The following SLC35F3 variants were observed in gnomAD, a reference collection of about 807,000 sequenced individuals.
SLC35F3 encodes the protein solute carrier family 35 member F3, also known as putative thiamine transporter SLC35F3.
SLC35F3 carries 25 observed loss-of-function variants against 49.9 expected under a neutral mutation model. That is an observed-to-expected ratio of 0.50 (90% confidence interval 0.37 to 0.70). SLC35F3 has a LOEUF of 0.70. Among genes scored for constraint, SLC35F3 ranks in the 30% least tolerant of loss-of-function variants. SLC35F3 has a pLI of 0.00. For missense variants in SLC35F3, 525 were observed against 639.8 expected (o/e 0.82, Z 1.94); for synonymous variants, 275 against 265.4 (o/e 1.04, Z -0.35).
At chr1:234,296,663 C>A (rs114400816) in intron 3 of SLC35F3, among the ~76,000 whole-genome samples, 1 of 152,200 alleles carries the variant, frequency 6.6e-6, no homozygotes, top group South Asian at 2.1e-4. Flanking sequence ...TGTGGACCAG[C>A]GATGCTTTGG....
intron 2 of SLC35F3, among the ~76,000 whole-genome samples, chr1:233,999,925 A>G (rs912494550): frequency 4.6e-5 from 7 of 152,240 alleles, no homozygotes; most frequent in African/African-American, 1.2e-4. Flanking sequence ...ACATTTCAAC[A>G]TTTAGGATAT....
At chr1:234,313,280 A>G (rs935913010) in intron 4 of SLC35F3, among the ~76,000 whole-genome samples, 3 of 152,064 alleles carry the variant, frequency 2.0e-5, no homozygotes, top group Non-Finnish European at 4.4e-5. Context: ...TTAAAGCTCA[A>G]AGGTTTCTGT....
intron 3 of SLC35F3, among the ~76,000 whole-genome samples, chr1:234,273,468 G>A (rs986681800): frequency 6.6e-6 from 1 of 152,198 alleles, no homozygotes; most frequent in African/African-American, 2.4e-5. Flanking sequence ...CAAGAACTTA[G>A]GTTTGTGCTG....
chr1:233,971,397 A>G (rs780265423), intron 2 of SLC35F3, among the ~76,000 whole-genome samples: 1 of 152,224 alleles, frequency 6.6e-6, no homozygotes, highest in Non-Finnish European at 1.5e-5. Flanking sequence ...TTCAGGTCAA[A>G]TCCTATGAAA....
intron 2 of SLC35F3, among the ~76,000 whole-genome samples, chr1:234,217,931 G>C (rs1377055103): frequency 6.6e-6 from 1 of 152,154 alleles, no homozygotes; most frequent in African/African-American, 2.4e-5. Context: ...AGCTGAGGCT[G>C]GGGGGATATG....
intron 2 of SLC35F3, among the ~76,000 whole-genome samples, chr1:234,092,908 T>C (rs757617810): frequency 6.6e-5 from 10 of 152,132 alleles, no homozygotes; most frequent in Non-Finnish European, 1.3e-4. Flanking sequence ...AAAATAAAGA[T>C]GAATGTTGGT....
intron 3 of SLC35F3, chr1:234,272,550 A>G (rs1343748931): frequency 6.6e-6 from 1 of 152,276 alleles, no homozygotes; most frequent in Non-Finnish European, 1.5e-5. Context: ...CAGATGAGTC[A>G]TGAAGGAAGT....
At chr1:234,295,603 T>C (rs560735609) in intron 3 of SLC35F3, among the ~76,000 whole-genome samples, 1 of 152,354 alleles carries the variant, frequency 6.6e-6, no homozygotes, top group South Asian at 2.1e-4. Flanking sequence ...GTTAGAATCC[T>C]AGATCCCTGA....
intron 2 of SLC35F3, among the ~76,000 whole-genome samples, chr1:233,932,457 A>T (rs1294655476): frequency 6.6e-6 from 1 of 152,204 alleles, no homozygotes; most frequent in African/African-American, 2.4e-5. Flanking sequence ...ATCTGTGGTG[A>T]TAATGATCCG....
rs1667098194 is a variant in SLC35F3 at position 234,214,859 on chromosome 1, C to T, written c.284-16558C>T. The T allele has an allele frequency of 1.1e-5, 4 of 379,368 alleles. No individual in the cohort carries two copies. The highest frequency in any genetic ancestry group is 1.9e-5 in the Non-Finnish European group (4 of 211,790). 23.5% of individuals were successfully genotyped at this position (379,368 alleles called of 1,614,324 possible). ...CACCCAGCGCATCTGGCAGCAGCTG[C>T]ACCCTCACCTCCATCCCAGTTTGTC... On this transcript the variant is annotated intron_variant, in intron 2 of 7. Transcript: ENST00000366618. The surrounding 1 kb of genome is among the most constrained non-coding windows in gnomAD (Gnocchi z 8.0).
intron 2 of SLC35F3, among the ~76,000 whole-genome samples, chr1:234,161,886 G>T (rs778930470): frequency 9.2e-5 from 14 of 152,098 alleles, no homozygotes; most frequent in Non-Finnish European, 1.9e-4. Context: ...TGGATCTCCC[G>T]CTGAATGCAA....
chr1:234,118,221 C>T (rs936135577), intron 2 of SLC35F3, among the ~76,000 whole-genome samples: 2 of 151,966 alleles, frequency 1.3e-5, no homozygotes, highest in Non-Finnish European at 2.9e-5. Context: ...GCTAAGTAAC[C>T]GAATAGCATC....
intron 2 of SLC35F3, among the ~76,000 whole-genome samples, chr1:234,077,464 T>G (rs1664809434): frequency 6.6e-6 from 1 of 152,088 alleles, no homozygotes; most frequent in Non-Finnish European, 1.5e-5. Context: ...ATAAAACCAT[T>G]AGATCTCCTG....
intron 2 of SLC35F3, among the ~76,000 whole-genome samples, chr1:234,118,880 CTTTTCTTTT>C (rs1047590660): frequency 2.1e-5 from 3 of 143,926 alleles, no homozygotes; most frequent in African/African-American, 7.4e-5. Flanking sequence ...TTCTTTTTTT[CTTTTCTTTT>C]TTTTTTTTTA....
intron 2 of SLC35F3, among the ~76,000 whole-genome samples, chr1:234,153,347 G>C (rs935089941): frequency 2.0e-4 from 30 of 152,182 alleles, no homozygotes; most frequent in Non-Finnish European, 3.8e-4. Context: ...GGTGGCTCAT[G>C]CCTATAATTC....
intron 2 of SLC35F3, among the ~76,000 whole-genome samples, chr1:234,109,813 T>C (rs546206941): frequency 2.0e-5 from 3 of 152,148 alleles, no homozygotes; most frequent in Non-Finnish European, 4.4e-5. Flanking sequence ...CCACCTGGGC[T>C]CTGAAGTCAG....
chr1:234,246,217 C>T (rs2102959454), intron 3 of SLC35F3, among the ~76,000 whole-genome samples: 1 of 152,258 alleles, frequency 6.6e-6, no homozygotes, highest in South Asian at 2.1e-4. Context: ...AGGAGTGGCT[C>T]AGATGGAGAA....
chr1:233,932,456 G>T (rs1157504975), intron 2 of SLC35F3, among the ~76,000 whole-genome samples: 1 of 152,282 alleles, frequency 6.6e-6, no homozygotes, highest in Non-Finnish European at 1.5e-5. Flanking sequence ...AATCTGTGGT[G>T]ATAATGATCC....
intron 2 of SLC35F3, among the ~76,000 whole-genome samples, chr1:234,176,711 A>G (rs1220653686): frequency 2.0e-5 from 3 of 152,250 alleles, no homozygotes; most frequent in Non-Finnish European, 4.4e-5. Flanking sequence ...GGGTGGTCAT[A>G]AAAAATGCAA....
Sources: allele counts gnomAD v4.1 joint callset (sites outside exome capture counted in the v4.1 genomes callset), GRCh38; gene constraint gnomAD v4.1.1; non-coding constraint Gnocchi (gnomAD v3.1); transcripts MANE v1.5; gene names NCBI Gene and HGNC (gene_info 2026-07-23, HGNC 2026-07-21).